Variants in DDX10 observed in about 807,000 individuals in gnomAD.
The protein encoded by DDX10 is DEAD-box helicase 10.
DDX10 carries 74 observed loss-of-function variants against 104.3 expected under a neutral mutation model. The ratio of observed to expected loss-of-function variants is 0.71; its 90% CI spans 0.59 to 0.86. The LOEUF (loss-of-function observed/expected upper bound fraction) is 0.86. Among genes scored for constraint, DDX10 ranks in the 40% least tolerant of loss-of-function variants. The probability of loss-of-function intolerance (pLI) is 0.00; values close to 1 mark genes in which losing one functional copy is unlikely to be tolerated. For missense variants in DDX10, 952 were observed against 1,040.0 expected (o/e 0.92, Z 1.16); for synonymous variants, 351 against 353.4 (o/e 0.99, Z 0.08).
At chr11:108,837,633 TTTTTTTTTTA>T (rs1862574555) in intron 13 of DDX10, among the ~76,000 whole-genome samples, 1 of 129,190 alleles carries the variant, frequency 7.7e-6, no homozygotes, top group Non-Finnish European at 1.6e-5. Context: ...TTTTTTTTTT[TTTTTTTTTTA>T]GGCAAAGCCT....
chr11:108,782,435 G>C (rs528906232), intron 13 of DDX10, among the ~76,000 whole-genome samples: 1 of 151,916 alleles, frequency 6.6e-6, no homozygotes, highest in Non-Finnish European at 1.5e-5. Context: ...TAGAGTCTGC[G>C]TTCTCATTTC....
At chr11:108,835,172 T>G (rs1319709566) in intron 13 of DDX10, among the ~76,000 whole-genome samples, 1 of 152,196 alleles carries the variant, frequency 6.6e-6, no homozygotes, top group Non-Finnish European at 1.5e-5. Flanking sequence ...ACTGTATTTT[T>G]TTCCATTTTA....
At chr11:108,695,258 A>G (rs2094258122) in intron 9 of DDX10, among the ~76,000 whole-genome samples, 1 of 152,248 alleles carries the variant, frequency 6.6e-6, no homozygotes, top group Non-Finnish European at 1.5e-5. Context: ...ATGGTTAGCC[A>G]CAGATGGACT....
chr11:108,758,605 C>T (rs1274409540), intron 13 of DDX10, among the ~76,000 whole-genome samples: 2 of 151,964 alleles, frequency 1.3e-5, no homozygotes, highest in African/African-American at 4.8e-5. Flanking sequence ...GAGGTGTTAC[C>T]CTTTCCTTGT....
intron 13 of DDX10, among the ~76,000 whole-genome samples, chr11:108,766,013 T>C (rs1382636482): frequency 2.0e-5 from 3 of 152,194 alleles, no homozygotes; most frequent in African/African-American, 7.2e-5. Flanking sequence ...CTGCAAAGCC[T>C]TACGTAAATG....
At chr11:108,800,520 AG>A (rs1399991286) in intron 13 of DDX10, among the ~76,000 whole-genome samples, 2 of 151,528 alleles carry the variant, frequency 1.3e-5, no homozygotes, top group African/African-American at 2.4e-5. Context: ...ATCACACTCC[AG>A]CACTTGTTTC....
chr11:108,677,150 A>C lies in DDX10; in HGVS notation c.444A>C (p.Ser148=). ...STDGLGVLII[S]PTRELAYQTF... ...ATGGGCTGGGGGTTCTCATAATATC[A>C]CCTACGAGAGAACTGGCCTATCAGA... is the stretch of plus-strand genomic sequence containing the variant. The change falls in exon 4 of 18, where the codon TCA becomes TCC. Residue 148 remains serine, a synonymous_variant. Coordinates refer to ENST00000322536, the MANE Select transcript of DDX10 (RefSeq NM_004398.4). 1 of 1,613,784 alleles carries C rather than the reference A, an allele frequency of 6.2e-7. No individual in the cohort carries two copies. Among genetic ancestry groups the C allele is most frequent in the Non-Finnish European group, 8.5e-7 (1 of 1,179,888 alleles).
chr11:108,927,307 A>G (rs1210900518), intron 17 of DDX10, among the ~76,000 whole-genome samples: 1 of 152,224 alleles, frequency 6.6e-6, no homozygotes, highest in Non-Finnish European at 1.5e-5. Context: ...TTTAACACAT[A>G]CAAACTTGCA....
intron 9 of DDX10, among the ~76,000 whole-genome samples, chr11:108,699,115 T>C (rs2094263930): frequency 6.6e-6 from 1 of 152,202 alleles, no homozygotes; most frequent in Non-Finnish European, 1.5e-5. Flanking sequence ...GCAGCAATGT[T>C]TGTCTAGTAT....
At chr11:108,912,982 A>T (rs115689991) in intron 16 of DDX10, among the ~76,000 whole-genome samples, 95 of 152,032 alleles carry the variant, frequency 6.2e-4, no homozygotes, top group African/African-American at 2.1e-3. Flanking sequence ...CTTTTTGGAC[A>T]GTTGTGAGGT....
chr11:108,902,747 A>G (rs187584163), intron 16 of DDX10, among the ~76,000 whole-genome samples: 6 of 152,086 alleles, frequency 3.9e-5, no homozygotes, highest in Non-Finnish European at 8.8e-5. Context: ...TTAAGATGCT[A>G]TCTCTTCTTC....
chr11:108,732,542 G>T (rs1367691199), intron 13 of DDX10, among the ~76,000 whole-genome samples: 3 of 152,206 alleles, frequency 2.0e-5, no homozygotes, highest in African/African-American at 7.2e-5. Context: ...TGAGTGCCAG[G>T]TGCAAGCAAG....
At chr11:108,813,879 C>T (rs1423669160) in intron 13 of DDX10, among the ~76,000 whole-genome samples, 1 of 151,998 alleles carries the variant, frequency 6.6e-6, no homozygotes, top group Non-Finnish European at 1.5e-5. Context: ...TATTTTGGGT[C>T]TGTTTTTGGT....
At chr11:108,845,978 T>C (rs1413264141) in intron 15 of DDX10, among the ~76,000 whole-genome samples, 1 of 152,228 alleles carries the variant, frequency 6.6e-6, no homozygotes, top group African/African-American at 2.4e-5. Context: ...TCCCTCATAC[T>C]ATTACACCTG....
chr11:108,826,276 C>G (rs531486177), intron 13 of DDX10, among the ~76,000 whole-genome samples: 1 of 152,102 alleles, frequency 6.6e-6, no homozygotes, highest in South Asian at 2.1e-4. Context: ...AGGGACTGTT[C>G]ACAAATACAC....
chr11:108,917,916 A>T lies in DDX10; in HGVS notation c.2348A>T (p.Asp783Val), dbSNP rs773042859. Residue 783 changes from aspartate (D) to valine (V), a missense_variant, in exon 17 of 18, where the codon GAT becomes GTT. This residue lies in a region of DDX10 where 533 missense variants were observed against 534.1 expected (regional missense o/e 1.00). Transcript: ENST00000322536. ...EEAFLDWSDD[D>V]DDDDDGFDPS... is the part of the protein sequence containing the mutation. The stretch of plus-strand genomic sequence containing the variant: ...GCCTTTCTGGATTGGAGTGATGATG[A>T]TGATGATGATGATGATGGATTTGAT... 4 of 1,612,922 alleles carry T rather than the reference A, an allele frequency of 2.5e-6. No homozygotes were observed. Among genetic ancestry groups the T allele is most frequent in the Non-Finnish European group, 2.5e-6 (3 of 1,179,972 alleles).
chr11:108,851,634 C>A (rs1480527987), intron 15 of DDX10, among the ~76,000 whole-genome samples: 2 of 152,022 alleles, frequency 1.3e-5, no homozygotes, highest in African/African-American at 4.8e-5. Context: ...TAATGTTTAA[C>A]CCCTGAATGT....
intron 17 of DDX10, chr11:108,920,502 G>A (rs1863809290): frequency 6.6e-6 from 1 of 152,284 alleles, no homozygotes; most frequent in East Asian, 1.9e-4. Flanking sequence ...TTTGGCCTGT[G>A]AACACAGAGA....
chr11:108,754,551 T>A (rs1313226019), intron 13 of DDX10, among the ~76,000 whole-genome samples: 3 of 152,016 alleles, frequency 2.0e-5, no homozygotes, highest in African/African-American at 7.2e-5. Flanking sequence ...AAAGTATACA[T>A]TGGGTGCATA....
Sources: gnomAD v4.1 joint callset for allele counts (sites outside exome capture counted in the v4.1 genomes callset) on GRCh38, gnomAD v4.1.1 for gene constraint, gnomAD v4.1.1 regional missense constraint, MANE v1.5 for transcripts, NCBI Gene and HGNC (gene_info 2026-07-23, HGNC 2026-07-21) for gene names.